Variants in AKAP1 observed in about 807,000 individuals in gnomAD.
The protein encoded by AKAP1 is A-kinase anchoring protein 1.
AKAP1 carries 32 observed loss-of-function variants against 79.8 expected under a neutral mutation model. The ratio of observed to expected loss-of-function variants is 0.40; its 90% CI spans 0.30 to 0.54. AKAP1 has a LOEUF of 0.54. AKAP1 is among the 20% of genes least tolerant of loss of function. The probability of loss-of-function intolerance (pLI) is 0.47; values close to 1 mark genes in which losing one functional copy is unlikely to be tolerated. For missense variants in AKAP1, 961 were observed against 1,138.9 expected (o/e 0.84, Z 2.25); for synonymous variants, 416 against 466.7 (o/e 0.89, Z 1.40).
Position 57,116,855 on chromosome 17 carries a change from C to G in AKAP1, c.2433-5C>G. On this transcript the variant is annotated splice_polypyrimidine_tract_variant and splice_region_variant and intron_variant, in intron 7 of 10. Coordinates refer to ENST00000337714, the MANE Select transcript of AKAP1 (RefSeq NM_003488.4). ...ATTAAACTTGTTCCTTTCTTGCCTTCCCAGGTCTGACTTTGTCACCCTGCC... is the reference window on the plus strand; with the variant it reads ...ATTAAACTTGTTCCTTTCTTGCCTTGCCAGGTCTGACTTTGTCACCCTGCC... 6.2e-7 allele frequency: 1 copy of G among 1,614,052 alleles called. No individual in the cohort carries two copies. The highest frequency in any genetic ancestry group is 8.5e-7 in the Non-Finnish European group (1 of 1,179,928).
In AKAP1 at chr17:57,121,212, C is replaced by T. The variant is rs1194993982; in HGVS notation, c.*888C>T. 6.7e-6 allele frequency: 1 copy of T among 149,672 alleles called. No homozygotes were observed. The highest frequency in any genetic ancestry group is 2.5e-5 in the African/African-American group (1 of 40,372). The allele number at this position is 149,672 out of a possible 1,614,324, so 9.3% of individuals were successfully genotyped here. On this transcript the variant is annotated 3_prime_UTR_variant, in exon 11 of 11. Coordinates refer to ENST00000337714, the MANE Select transcript of AKAP1 (RefSeq NM_003488.4). Reference sequence around the variant, plus strand: ...TCTGGGAACTTTTTGCTGTACAAATCTGTTTAAAAAAAAAAAAAAGTAACT... The same window carrying T: ...TCTGGGAACTTTTTGCTGTACAAATTTGTTTAAAAAAAAAAAAAAGTAACT...
intron 8 of AKAP1, among the ~76,000 whole-genome samples, chr17:57,117,999 T>C (rs1401400616): frequency 2.0e-5 from 3 of 152,154 alleles, no homozygotes; most frequent in Non-Finnish European, 4.4e-5. Flanking sequence ...TGTTCTCTCC[T>C]GTAAAGTGGG....
Position 57,105,761 on chromosome 17 carries a change from C to T in AKAP1, c.297C>T (p.His99=), listed in dbSNP as rs1027566125. 8.1e-6 allele frequency: 13 copies of T among 1,614,078 alleles called. No homozygotes were observed. Among genetic ancestry groups the T allele is most frequent in the South Asian group, 2.2e-5 (2 of 91,084 alleles). The change falls in exon 2 of 11, where the codon CAC becomes CAT. Residue 99 remains histidine (H), a synonymous_variant. Transcript: ENST00000337714. The part of the protein sequence containing the change: ...PAEPPALLQT[H]PPCRRSESSG... ...AGCCCCCAGCATTGCTCCAGACACA[C>T]CCACCTTGCCGAAGATCAGAGTCCT... is the stretch of plus-strand genomic sequence containing the variant.
At chr17:57,088,411 TC>T (rs1913587612) in intron 1 of AKAP1, among the ~76,000 whole-genome samples, 1 of 152,306 alleles carries the variant, frequency 6.6e-6, no homozygotes, top group Admixed American at 6.5e-5. Flanking sequence ...GATGCCTCTT[TC>T]TTGATAGTTA....
In AKAP1 at chr17:57,106,580, A is replaced by G. The variant is rs533704264; in HGVS notation, c.1116A>G (p.Ala372=). 6.2e-7 allele frequency: 1 copy of G among 1,614,222 alleles called. No individual in the cohort carries two copies. Among genetic ancestry groups the G allele is most frequent in the African/African-American group, 1.3e-5 (1 of 75,038 alleles). The change falls in exon 2 of 11, where the codon GCA becomes GCG. Residue 372 remains alanine (A), a synonymous_variant. Coordinates refer to ENST00000337714, the MANE Select transcript of AKAP1 (RefSeq NM_003488.4). ...TGGCCACCACGGTTGGCAAGGTTGC[A>G]GGTCGTGTGTGTCAGGCCAGTCAGC... ...QVLATTVGKV[A]GRVCQASQLQ...
At chr17:57,107,203 G>C (rs1422892713) in intron 2 of AKAP1, 25 bp downstream of exon 2, 1 of 1,568,890 alleles carries the variant, frequency 6.4e-7, no homozygotes, top group Non-Finnish European at 8.7e-7. Context: ...GGTTCGTTTA[G>C]AGGATGGGGC....
chr17:57,108,118 A>G (rs899768815), intron 2 of AKAP1: 33 of 868,010 alleles, frequency 3.8e-5, no homozygotes, highest in Non-Finnish European at 4.9e-5. Flanking sequence ...GAGAGAGGCC[A>G]CGAATATCCC....
chr17:57,118,540 CCTGGATTGACCAG>C, intron 9 of AKAP1, 86 bp downstream of exon 9: 1 of 1,336,294 alleles, frequency 7.5e-7, no homozygotes, highest in East Asian at 2.3e-5. Flanking sequence ...GTGGCTTGGC[CCTGGATTGACCAG>C]CAGTATTTAA....
At chr17:57,089,308 C>T (rs901128804) in intron 1 of AKAP1, among the ~76,000 whole-genome samples, 3 of 152,210 alleles carry the variant, frequency 2.0e-5, no homozygotes, top group African/African-American at 7.2e-5. Flanking sequence ...CTGTTCATCT[C>T]AAGTTCTTAG....
intron 1 of AKAP1, among the ~76,000 whole-genome samples, chr17:57,099,123 C>G (rs1914321148): frequency 6.6e-6 from 1 of 152,128 alleles, no homozygotes; most frequent in African/African-American, 2.4e-5. Flanking sequence ...TGTGAGGTGT[C>G]TCCTGGCAAT....
chr17:57,109,951 T>G (rs1051150885), intron 2 of AKAP1, 74 bp from the exon 3 acceptor site: 2 of 1,567,776 alleles, frequency 1.3e-6, no homozygotes, highest in Non-Finnish European at 1.7e-6. Flanking sequence ...AATGTGAGTT[T>G]GGGAAGTTCT....
At chr17:57,117,043 T>G in intron 8 of AKAP1, 116 bp downstream of exon 8, 1 of 1,090,002 alleles carries the variant, frequency 9.2e-7, no homozygotes, top group Admixed American at 1.8e-5. Context: ...TTGCTACCAC[T>G]CAAGAGTTTC....
chr17:57,107,049 G>C lies in AKAP1; in HGVS notation c.1585G>C (p.Asp529His). ...SCTETSSSPR[D>H]KAITPPLPES... The stretch of plus-strand genomic sequence containing the variant: ...CACAGAGACCAGCTCGAGCCCCAGG[G>C]ACAAGGCCATCACCCCGCCACTGCC... Residue 529 changes from aspartate to histidine, a missense_variant, in exon 2 of 11, where the codon GAC becomes CAC. Coordinates refer to ENST00000337714, the MANE Select transcript of AKAP1 (RefSeq NM_003488.4). 1 of 1,614,142 alleles carries C rather than the reference G, an allele frequency of 6.2e-7. No individual in the cohort carries two copies. The highest frequency in any genetic ancestry group is 8.5e-7 in the Non-Finnish European group (1 of 1,180,024).
At position 57,112,653 on chromosome 17, in the gene AKAP1, C is replaced by T. The variant is rs377556146; in HGVS notation, c.2103+35C>T. The T allele has an allele frequency of 2.5e-6, 4 of 1,570,660 alleles. No individual in the cohort carries two copies. The African/African-American group carries it at 4.1e-5, about 16-fold the overall frequency. ...CTACTGGGTGATCCGGACTTCTTGC[C>T]ACTTTCCCCCAAACCTACCCCAAAC... On this transcript the variant is annotated intron_variant, in intron 5 of 10. Transcript: ENST00000337714.
chr17:57,117,569 C>T (rs1391501930), intron 8 of AKAP1, among the ~76,000 whole-genome samples: 1 of 152,194 alleles, frequency 6.6e-6, no homozygotes, highest in Non-Finnish European at 1.5e-5. Flanking sequence ...TTCTGATCTC[C>T]TTCTTGCTTG....
chr17:57,107,423 G>T (rs371907173), intron 2 of AKAP1, among the ~76,000 whole-genome samples: 2 of 152,210 alleles, frequency 1.3e-5, no homozygotes, highest in African/African-American at 2.4e-5. Context: ...ACCTTCCCCA[G>T]TGAGCCCTTC....
At chr17:57,117,455 A>C (rs567240771) in intron 8 of AKAP1, among the ~76,000 whole-genome samples, 88 of 152,290 alleles carry the variant, frequency 5.8e-4, no homozygotes, top group African/African-American at 2.0e-3. Context: ...TAAACCTAAG[A>C]TCTGGTGTGT....
At chr17:57,117,106 C>T (rs1055198564) in intron 8 of AKAP1, among the ~76,000 whole-genome samples, 179 bp downstream of exon 8, 1 of 152,198 alleles carries the variant, frequency 6.6e-6, no homozygotes, top group South Asian at 2.1e-4. Flanking sequence ...TATCAAGTTC[C>T]CAGGTGAGAC....
chr17:57,102,063 A>G (rs1914550310), intron 1 of AKAP1, among the ~76,000 whole-genome samples: 1 of 152,172 alleles, frequency 6.6e-6, no homozygotes, highest in Non-Finnish European at 1.5e-5. Flanking sequence ...GTTTCAAATG[A>G]TGCCTCAGCC....
Sources: allele counts gnomAD v4.1 joint callset (sites outside exome capture counted in the v4.1 genomes callset), GRCh38; gene constraint gnomAD v4.1.1; transcripts MANE v1.5; gene names NCBI Gene and HGNC (gene_info 2026-07-23, HGNC 2026-07-21).